The following FNDC3A variants were observed in gnomAD, a reference collection of about 807,000 sequenced individuals.
FNDC3A encodes the protein fibronectin type III domain containing 3A.
In FNDC3A, 32 loss-of-function variants were observed where a neutral mutation model predicts 148.9. The observed-to-expected ratio is 0.21, with a 90% CI of 0.16 to 0.29. FNDC3A has a LOEUF of 0.29. Among genes scored for constraint, FNDC3A ranks in the 10% least tolerant of loss-of-function variants. FNDC3A has a pLI of 1.00. For synonymous variants in FNDC3A, 472 were observed against 473.6 expected (o/e 1.00, Z 0.04); for missense variants, 1,191 against 1,452.8 (o/e 0.82, Z 2.93).
intron 20 of FNDC3A, 133 bp downstream of exon 20, chr13:49,197,123 A>G: frequency 2.1e-6 from 1 of 471,204 alleles, no homozygotes; most frequent in Non-Finnish European, 3.7e-6. Context: ...CACATGAAAA[A>G]CAGTGACTTC....
At chr13:49,193,299 C>T (rs1593736369) in intron 19 of FNDC3A, among the ~76,000 whole-genome samples, 2 of 152,242 alleles carry the variant, frequency 1.3e-5, no homozygotes, top group South Asian at 2.1e-4. Flanking sequence ...GGGTATCTGT[C>T]ACCCAGGCTG....
At chr13:49,047,553 T>C (rs1024305238) in intron 2 of FNDC3A, among the ~76,000 whole-genome samples, 1 of 152,232 alleles carries the variant, frequency 6.6e-6, no homozygotes, top group Admixed American at 6.5e-5. Context: ...ATTAGTGATG[T>C]TGAGCATTTT....
intron 1 of FNDC3A, chr13:48,976,798 C>G (rs1167992495): frequency 1.3e-5 from 2 of 152,270 alleles, no homozygotes; most frequent in Non-Finnish European, 2.9e-5. Context: ...TTCCTCTCCC[C>G]GGGCGAGTTA....
chr13:48,988,617 G>A (rs1321088830), intron 1 of FNDC3A, among the ~76,000 whole-genome samples: 1 of 152,090 alleles, frequency 6.6e-6, no homozygotes, highest in African/African-American at 2.4e-5. Flanking sequence ...TGAGGTGGGA[G>A]GATTGCTTGA....
chr13:49,172,940 G>A (rs1210039802), intron 11 of FNDC3A, among the ~76,000 whole-genome samples: 1 of 152,144 alleles, frequency 6.6e-6, no homozygotes, highest in African/African-American at 2.4e-5. Context: ...TGCTGTTTTT[G>A]CCATTAAAAG....
chr13:49,095,100 C>A lies in FNDC3A; in HGVS notation c.176-19555C>A, dbSNP rs562064193. On this transcript the variant is annotated intron_variant, in intron 3 of 25. Coordinates refer to ENST00000492622, the MANE Select transcript of FNDC3A (RefSeq NM_001079673.2). ...ATAATTATACAAGTGAAGTTTTAAC[C>A]CCTTTTAAATTGTTTAGTCCAACTT... Among the ~76,000 whole-genome samples the A allele has an allele frequency of 1.2e-3, 188 of 151,678 alleles. 1 individual carries two copies. The highest frequency in any genetic ancestry group is 0.01 in the Middle Eastern group (3 of 294).
intron 1 of FNDC3A, among the ~76,000 whole-genome samples, chr13:48,987,119 A>C (rs1296277701): frequency 2.0e-5 from 3 of 152,258 alleles, no homozygotes; most frequent in Non-Finnish European, 4.4e-5. Flanking sequence ...TAAAAACTAA[A>C]GTTTTATATA....
intron 4 of FNDC3A, among the ~76,000 whole-genome samples, chr13:49,123,627 A>G (rs1442222365): frequency 6.6e-6 from 1 of 151,830 alleles, no homozygotes; most frequent in Non-Finnish European, 1.5e-5. Flanking sequence ...TATCCAGAAT[A>G]TACAAAGAAC....
chr13:49,015,654 G>A (rs1472560738), intron 2 of FNDC3A, among the ~76,000 whole-genome samples: 1 of 152,162 alleles, frequency 6.6e-6, no homozygotes, highest in African/African-American at 2.4e-5. Context: ...GGAGTGGTGA[G>A]AGAGGAGGGC....
At chr13:49,058,774 T>C (rs1876441652) in intron 2 of FNDC3A, among the ~76,000 whole-genome samples, 1 of 152,236 alleles carries the variant, frequency 6.6e-6, no homozygotes, top group South Asian at 2.1e-4. Context: ...CTGCTGACTT[T>C]TCAGGATTCA....
At chr13:49,141,855 A>G (rs1882710319) in intron 7 of FNDC3A, among the ~76,000 whole-genome samples, 1 of 152,122 alleles carries the variant, frequency 6.6e-6, no homozygotes, top group South Asian at 2.1e-4. Flanking sequence ...TTTTTACACA[A>G]TCATACCTAT....
At chr13:49,037,842 G>A (rs527576864) in intron 2 of FNDC3A, among the ~76,000 whole-genome samples, 1 of 152,320 alleles carries the variant, frequency 6.6e-6, no homozygotes, top group African/African-American at 2.4e-5. Flanking sequence ...ACAGATGGGT[G>A]CCTGTGACTC....
At chr13:48,982,639 G>A (rs578247962) in intron 1 of FNDC3A, among the ~76,000 whole-genome samples, 1 of 152,110 alleles carries the variant, frequency 6.6e-6, no homozygotes, top group African/African-American at 2.4e-5. Context: ...TTTAGAAATC[G>A]AAATCACAAT....
chr13:49,117,278 C>G (rs1881031024), intron 4 of FNDC3A, among the ~76,000 whole-genome samples: 1 of 152,152 alleles, frequency 6.6e-6, no homozygotes, highest in Admixed American at 6.5e-5. Flanking sequence ...GTCTAGATTT[C>G]TTGACATTTA....
Position 49,131,298 on chromosome 13 carries a change from A to T in FNDC3A, c.414A>T (p.Ser138=), listed in dbSNP as rs750775139. ...MMPPPPRHMY[S]PVTGAGDMTT... is the part of the protein sequence containing the mutation. ...CGCCTCCACCACGTCATATGTACTC[A>T]CCCGTGACTGGAGCTGGAGACATGA... Residue 138 remains serine (S), a synonymous_variant, in exon 5 of 26, where the codon TCA becomes TCT. Transcript: ENST00000492622. The T allele has an allele frequency of 6.2e-7, 1 of 1,613,922 alleles. No homozygotes were observed. Among genetic ancestry groups the T allele is most frequent in the South Asian group, 1.1e-5 (1 of 91,066 alleles).
At chr13:49,164,058 A>C (rs761144246) in intron 8 of FNDC3A, among the ~76,000 whole-genome samples, 6 of 152,182 alleles carry the variant, frequency 3.9e-5, no homozygotes, top group Admixed American at 6.5e-5. Context: ...CATTTCTTAT[A>C]GAACTGCTGT....
At chr13:49,116,666 A>G (rs897573142) in intron 4 of FNDC3A, among the ~76,000 whole-genome samples, 3 of 152,202 alleles carry the variant, frequency 2.0e-5, no homozygotes, top group Non-Finnish European at 4.4e-5. Context: ...GGTGCCTGCA[A>G]TCCCAGCTAC....
chr13:49,189,572 TG>T (rs1244821537), intron 17 of FNDC3A, among the ~76,000 whole-genome samples: 2 of 152,230 alleles, frequency 1.3e-5, no homozygotes, highest in East Asian at 3.9e-4. Flanking sequence ...TGAAATTTAA[TG>T]CAATGAAAGT....
At position 49,187,627 on chromosome 13, in the gene FNDC3A, C is replaced by T. The variant is rs558064559; in HGVS notation, c.1825+437C>T. On this transcript the variant is annotated intron_variant, in intron 16 of 25. Coordinates refer to ENST00000492622, the MANE Select transcript of FNDC3A (RefSeq NM_001079673.2). Reference sequence around the variant, plus strand: ...AGGGCCCTCCTCACAGTGGCTCCTACGGACCACAGAGGTTGTGAACCTCCG... The same window carrying T: ...AGGGCCCTCCTCACAGTGGCTCCTATGGACCACAGAGGTTGTGAACCTCCG... The T allele has an allele frequency of 5.1e-5, 81 of 1,602,888 alleles. 1 individual carries two copies. Among genetic ancestry groups the T allele is most frequent in the Middle Eastern group, 4.5e-4 (2 of 4,420 alleles).
Sources: allele counts gnomAD v4.1 joint callset (sites outside exome capture counted in the v4.1 genomes callset), GRCh38; gene constraint gnomAD v4.1.1; transcripts MANE v1.5; gene names NCBI Gene and HGNC (gene_info 2026-07-23, HGNC 2026-07-21).